Variants in CNTN4 observed in about 807,000 individuals in gnomAD.
The protein encoded by CNTN4 is contactin 4.
CNTN4 carries 77 observed loss-of-function variants against 122.5 expected under a neutral mutation model. The ratio of observed to expected loss-of-function variants is 0.63; its 90% CI spans 0.52 to 0.76. The LOEUF is 0.76. CNTN4 is among the 30% of genes least tolerant of loss of function. The probability of loss-of-function intolerance (pLI) is 0.00; values close to 1 mark genes in which losing one functional copy is unlikely to be tolerated. For synonymous variants in CNTN4, 512 were observed against 447.0 expected, an observed-to-expected ratio of 1.15 and a Z score of -1.83; for missense variants, 1,256 against 1,259.1, an observed-to-expected ratio of 1.00 and a Z score of 0.04.
chr3:2,348,292 A>G (rs1283744857), intron 3 of CNTN4, among the ~76,000 whole-genome samples: 1 of 152,234 alleles, frequency 6.6e-6, no homozygotes, highest in African/African-American at 2.4e-5. Context: ...TATTGAGTCC[A>G]AAGACAACAG....
intron 13 of CNTN4, among the ~76,000 whole-genome samples, chr3:2,952,144 G>T (rs2094752270): frequency 6.6e-6 from 1 of 152,200 alleles, no homozygotes; most frequent in African/African-American, 2.4e-5. Context: ...CTTAGAAAAA[G>T]AAAGAGGATG....
intron 3 of CNTN4, among the ~76,000 whole-genome samples, chr3:2,451,606 AGTT>A (rs1272178149): frequency 6.6e-6 from 1 of 152,074 alleles, no homozygotes; most frequent in East Asian, 1.9e-4. Flanking sequence ...AATAAATATT[AGTT>A]GACTGTAACC....
intron 13 of CNTN4, among the ~76,000 whole-genome samples, chr3:2,958,087 G>A (rs1412546117): frequency 6.6e-6 from 1 of 152,104 alleles, no homozygotes. Flanking sequence ...TTAAATGGAT[G>A]TTTCCACATA....
At chr3:2,170,182 G>A (rs984343438) in intron 2 of CNTN4, among the ~76,000 whole-genome samples, 22 of 138,270 alleles carry the variant, frequency 1.6e-4, no homozygotes, top group East Asian at 9.8e-4. Flanking sequence ...TTAGCCGGGC[G>A]TGGTGGCGGC....
chr3:2,923,590 C>T (rs150722422), intron 12 of CNTN4, among the ~76,000 whole-genome samples: 221 of 152,270 alleles, frequency 1.5e-3, no homozygotes, highest in African/African-American at 4.9e-3. Flanking sequence ...AGTGTGGCCA[C>T]GTACTCCAAC....
intron 3 of CNTN4, among the ~76,000 whole-genome samples, chr3:2,388,552 A>C (rs544940538): frequency 3.9e-5 from 6 of 152,188 alleles, no homozygotes; most frequent in African/African-American, 1.4e-4. Flanking sequence ...TTAGAAATCT[A>C]CCTAACCAAT....
chr3:2,506,023 TTTC>T (rs1185611555), intron 3 of CNTN4, among the ~76,000 whole-genome samples: 1 of 152,162 alleles, frequency 6.6e-6, no homozygotes, highest in African/African-American at 2.4e-5. Flanking sequence ...CGCTTTTTTT[TTTC>T]TAATGTAACA....
chr3:2,441,289 T>G (rs912987359), intron 3 of CNTN4, among the ~76,000 whole-genome samples: 2 of 152,182 alleles, frequency 1.3e-5, no homozygotes, highest in African/African-American at 4.8e-5. Context: ...TATGCAGTAA[T>G]AAGCACATGT....
At chr3:2,674,388 C>G (rs2084716053) in intron 4 of CNTN4, among the ~76,000 whole-genome samples, 1 of 152,168 alleles carries the variant, frequency 6.6e-6, no homozygotes, top group Non-Finnish European at 1.5e-5. Context: ...TCTCCATCAG[C>G]TCAAACATTT....
intron 4 of CNTN4, among the ~76,000 whole-genome samples, chr3:2,717,636 G>C (rs116033888): frequency 0.012 from 1,787 of 152,156 alleles, 32 homozygotes; most frequent in African/African-American, 0.04. Context: ...ATCAAACCTG[G>C]GGTTGGTTTC....
At position 2,970,834 on chromosome 3, in the gene CNTN4, C is replaced by G. The variant is rs372239800; in HGVS notation, c.1359-17511C>G. Reference sequence around the variant, plus strand: ...ACCGATTCTCACTCTGTTGCCCAGGCTGGAGTGCAGTGGCGTGATCCCAGC... The same window carrying G: ...ACCGATTCTCACTCTGTTGCCCAGGGTGGAGTGCAGTGGCGTGATCCCAGC... On this transcript the variant is annotated intron_variant, in intron 13 of 24. Transcript: ENST00000418658. Among the ~76,000 whole-genome samples the G allele has an allele frequency of 3.7e-4, 57 of 152,218 alleles. No homozygotes were observed. In the East Asian group the frequency reaches 9.9e-3, roughly 26 times the overall value.
chr3:2,240,078 A>G (rs1465926320), intron 2 of CNTN4, among the ~76,000 whole-genome samples: 2 of 152,164 alleles, frequency 1.3e-5, no homozygotes, highest in Non-Finnish European at 2.9e-5. Context: ...CTTCCAGGCT[A>G]CTTAAATGAA....
chr3:2,135,435 GT>G (rs1353366236), intron 2 of CNTN4, among the ~76,000 whole-genome samples: 1 of 152,200 alleles, frequency 6.6e-6, no homozygotes, highest in Non-Finnish European at 1.5e-5. Context: ...TGTAATGGTA[GT>G]TTTTAAGCCT....
chr3:2,418,192 G>T (rs547565965), intron 3 of CNTN4, among the ~76,000 whole-genome samples: 1 of 152,056 alleles, frequency 6.6e-6, no homozygotes, highest in Non-Finnish European at 1.5e-5. Context: ...TAAATATACC[G>T]CTGGTGAGGT....
intron 3 of CNTN4, among the ~76,000 whole-genome samples, chr3:2,424,584 A>C (rs1038817157): frequency 2.4e-4 from 36 of 152,182 alleles, no homozygotes; most frequent in Admixed American, 2.4e-3. Flanking sequence ...TATACCCAGT[A>C]ATGGGATGAC....
chr3:2,257,848 G>T (rs1261608147), intron 2 of CNTN4, among the ~76,000 whole-genome samples: 2 of 152,094 alleles, frequency 1.3e-5, no homozygotes, highest in Admixed American at 6.6e-5. Flanking sequence ...CCGATCACGA[G>T]GTCAGGAGTT....
At chr3:2,804,736 A>ATTTTTTTTTTTTTTTTTTT in intron 6 of CNTN4, among the ~76,000 whole-genome samples, 15 of 112,738 alleles carry the variant, frequency 1.3e-4, no homozygotes, top group Admixed American at 2.6e-4. Flanking sequence ...TATTTTGAGC[A>ATTTTTTTTTTTTTTTTTTT]CTTTTTTTTT....
chr3:2,412,771 G>C (rs183786828), intron 3 of CNTN4, among the ~76,000 whole-genome samples: 1 of 151,966 alleles, frequency 6.6e-6, no homozygotes, highest in Non-Finnish European at 1.5e-5. Context: ...AGGTAGAATC[G>C]TATAGTAGTT....
intron 14 of CNTN4, among the ~76,000 whole-genome samples, chr3:2,991,900 T>C (rs17024371): frequency 0.055 from 8,338 of 152,292 alleles, 349 homozygotes; most frequent in African/African-American, 0.12. Flanking sequence ...CCTTAAAATG[T>C]GCTTGTATTC....
Sources: allele counts gnomAD v4.1 joint callset (sites outside exome capture counted in the v4.1 genomes callset), GRCh38; gene constraint gnomAD v4.1.1; transcripts MANE v1.5; gene names NCBI Gene and HGNC (gene_info 2026-07-23, HGNC 2026-07-21).